The following FTCDNL1 variants were observed in gnomAD, a reference collection of about 807,000 sequenced individuals.
FTCDNL1 encodes the protein formiminotransferase cyclodeaminase N-terminal like.
A neutral mutation model predicts 5.9 loss-of-function variants in FTCDNL1; 11 were observed. The ratio of observed to expected loss-of-function variants is 1.87; its 90% CI spans 1.18 to 3.10. FTCDNL1 has a LOEUF of 3.10. Ranked by LOEUF, FTCDNL1 falls within the 30% of genes most tolerant of loss-of-function variation. FTCDNL1 has a pLI of 0.00. For missense variants in FTCDNL1, 115 were observed against 65.5 expected (o/e 1.76, Z -2.61); for synonymous variants, 58 against 24.8 (o/e 2.34, Z -3.99).
chr2:199,745,816 A>C, the FTCDNL1 span, among the ~76,000 whole-genome samples: 1 of 151,730 alleles, frequency 6.6e-6, no homozygotes, highest in African/African-American at 2.4e-5. Flanking sequence ...GACCTTGGGT[A>C]GGAGTTACAA....
At chr2:199,770,917 G>A (rs772706601) in intron 3 of FTCDNL1, among the ~76,000 whole-genome samples, 8 of 152,196 alleles carry the variant, frequency 5.3e-5, no homozygotes, top group Non-Finnish European at 8.8e-5. Context: ...GCACAGAGCC[G>A]TAAGCTCTTA....
chr2:199,815,137 G>GT (rs1701276612), intron 4 of FTCDNL1, among the ~76,000 whole-genome samples: 1 of 152,120 alleles, frequency 6.6e-6, no homozygotes, highest in Non-Finnish European at 1.5e-5. Flanking sequence ...TATGTATAAA[G>GT]TATTTATTTA....
chr2:199,807,762 A>G (rs1174639675), downstream of FTCDNL1, among the ~76,000 whole-genome samples: 1 of 152,234 alleles, frequency 6.6e-6, no homozygotes, highest in Non-Finnish European at 1.5e-5. Flanking sequence ...CTGGAGCACT[A>G]CAGTCCATCA....
At chr2:199,729,698 T>C in the FTCDNL1 span, among the ~76,000 whole-genome samples, 1 of 151,970 alleles carries the variant, frequency 6.6e-6, no homozygotes, top group Non-Finnish European at 1.5e-5. Context: ...CAAGGAAATA[T>C]TATAGGATGC....
At chr2:199,815,662 A>G (rs1430269190) in intron 4 of FTCDNL1, among the ~76,000 whole-genome samples, 1 of 152,210 alleles carries the variant, frequency 6.6e-6, no homozygotes, top group Non-Finnish European at 1.5e-5. Context: ...CCCTAAAGAA[A>G]GAGGTGTTAT....
chr2:199,841,336 G>A lies in FTCDNL1; in HGVS notation c.211+4739C>T, dbSNP rs975878752. Among the ~76,000 whole-genome samples the A allele has an allele frequency of 7.9e-5, 12 of 152,130 alleles. No homozygotes were observed. In the East Asian group the frequency reaches 9.7e-4, roughly 12 times the overall value. On this transcript the variant is annotated intron_variant, in intron 3 of 4. Transcript: ENST00000420128. ...CAGGAGGCGGGGTTTGCAGTGAGCCGAGATCGTGCACTGCACTCCAGCCTG... is the reference window on the plus strand; with the variant it reads ...CAGGAGGCGGGGTTTGCAGTGAGCCAAGATCGTGCACTGCACTCCAGCCTG...
At chr2:199,836,893 G>T (rs1456742198) in intron 3 of FTCDNL1, among the ~76,000 whole-genome samples, 1 of 152,172 alleles carries the variant, frequency 6.6e-6, no homozygotes, top group Non-Finnish European at 1.5e-5. Flanking sequence ...GGACAAAAGA[G>T]GCAAGCATTT....
At chr2:199,725,131 A>G in the FTCDNL1 span, among the ~76,000 whole-genome samples, 1 of 152,110 alleles carries the variant, frequency 6.6e-6, no homozygotes, top group Non-Finnish European at 1.5e-5. Flanking sequence ...TTTACCACTA[A>G]TGTAACGCCC....
At chr2:199,778,653 G>C (rs954777470) in intron 3 of FTCDNL1, among the ~76,000 whole-genome samples, 4 of 152,224 alleles carry the variant, frequency 2.6e-5, no homozygotes, top group Admixed American at 6.5e-5. Context: ...CTGCAGACTT[G>C]ACATACCTCC....
At chr2:199,746,777 T>C in the FTCDNL1 span, among the ~76,000 whole-genome samples, 1 of 151,362 alleles carries the variant, frequency 6.6e-6, no homozygotes, top group Non-Finnish European at 1.5e-5. Flanking sequence ...GGGTGTCCTT[T>C]ACATTTATTT....
chr2:199,739,319 G>A, the FTCDNL1 span, among the ~76,000 whole-genome samples: 2 of 152,244 alleles, frequency 1.3e-5, no homozygotes, highest in South Asian at 2.1e-4. Context: ...TTATCAACAG[G>A]GGGCTAAAAC....
intron 3 of FTCDNL1, among the ~76,000 whole-genome samples, chr2:199,787,187 CT>C (rs542150293): frequency 2.6e-4 from 38 of 148,522 alleles, no homozygotes; most frequent in South Asian, 1.1e-3. Flanking sequence ...CTTTTCTTTT[CT>C]TTTTTTTTTT....
chr2:199,806,543 A>G (rs945796513), downstream of FTCDNL1, among the ~76,000 whole-genome samples: 3 of 152,248 alleles, frequency 2.0e-5, no homozygotes, highest in African/African-American at 7.2e-5. Context: ...TCTCTCACAG[A>G]GTGGTCCTTT....
At chr2:199,676,161 G>A in the FTCDNL1 span, among the ~76,000 whole-genome samples, 1 of 152,160 alleles carries the variant, frequency 6.6e-6, no homozygotes, top group African/African-American at 2.4e-5. Context: ...TGAGGAATGT[G>A]CATGGTTTAA....
chr2:199,769,965 T>C (rs1170120714), intron 3 of FTCDNL1, among the ~76,000 whole-genome samples: 1 of 152,048 alleles, frequency 6.6e-6, no homozygotes, highest in African/African-American at 2.4e-5. Flanking sequence ...CTATCTATCC[T>C]CTAAAGCTCA....
chr2:199,837,929 T>G (rs925512433), intron 3 of FTCDNL1, among the ~76,000 whole-genome samples: 6 of 152,226 alleles, frequency 3.9e-5, no homozygotes, highest in Non-Finnish European at 2.9e-5. Context: ...AACTATGGTC[T>G]AGACTCTTGC....
intron 4 of FTCDNL1, among the ~76,000 whole-genome samples, chr2:199,814,842 G>C (rs1220634037): frequency 6.6e-6 from 1 of 152,176 alleles, no homozygotes; most frequent in Non-Finnish European, 1.5e-5. Flanking sequence ...GTAAATTGGA[G>C]TATTCAATGT....
Position 199,850,747 on chromosome 2 carries a change from C to G in FTCDNL1, c.-15G>C, listed in dbSNP as rs949942403. The G allele has an allele frequency of 2.0e-5, 3 of 152,322 alleles. No individual in the cohort carries two copies. Among genetic ancestry groups the G allele is most frequent in the African/African-American group, 7.2e-5 (3 of 41,474 alleles). 9.4% of individuals were successfully genotyped at this position (152,322 alleles called of 1,614,324 possible). A position where few individuals can be genotyped will look rare whatever the true frequency, so the allele number is the denominator to read the frequency against. On this transcript the variant is annotated 5_prime_UTR_variant, in exon 1 of 5. Coordinates refer to ENST00000420128, the MANE Select transcript of FTCDNL1 (RefSeq NM_001363886.2). ...CAAAGTGCAGCAGTTCACCTGCCCCCTGCGCACGCACCCCACCGGCACTTG... is the reference window on the plus strand; with the variant it reads ...CAAAGTGCAGCAGTTCACCTGCCCCGTGCGCACGCACCCCACCGGCACTTG...
intron 3 of FTCDNL1, among the ~76,000 whole-genome samples, chr2:199,793,565 A>C (rs1045112478): frequency 6.6e-6 from 1 of 152,208 alleles, no homozygotes; most frequent in Non-Finnish European, 1.5e-5. Context: ...CATTCTTCAA[A>C]GCTAACCATG....
Sources: gnomAD v4.1 joint callset for allele counts (sites outside exome capture counted in the v4.1 genomes callset) on GRCh38, gnomAD v4.1.1 for gene constraint, MANE v1.5 for transcripts, NCBI Gene and HGNC (gene_info 2026-07-23, HGNC 2026-07-21) for gene names.